SERINC1: variants seen among roughly 807,000 people sequenced by gnomAD.
The protein encoded by SERINC1 is tumor differentially expressed protein 2.
SERINC1 carries 38 observed loss-of-function variants against 52.9 expected under a neutral mutation model. The observed-to-expected ratio is 0.72, with a 90% CI of 0.55 to 0.94. SERINC1 has a LOEUF of 0.94. Among genes scored for constraint, SERINC1 ranks in the 40% least tolerant of loss-of-function variants. The pLI, the probability that SERINC1 is intolerant of heterozygous loss-of-function variation, is 0.00. For synonymous variants in SERINC1, 198 were observed against 183.1 expected (o/e 1.08, Z -0.66); for missense variants, 471 against 533.9 (o/e 0.88, Z 1.16).
intron 3 of SERINC1, among the ~76,000 whole-genome samples, chr6:122,456,009 A>C (rs1312899599): frequency 6.6e-6 from 1 of 152,192 alleles, no homozygotes; most frequent in Non-Finnish European, 1.5e-5. Context: ...GATAAGCAAC[A>C]GCAGATATTA....
At chr6:122,458,736 C>A in intron 1 of SERINC1, 55 bp from the exon 2 acceptor site, 1 of 1,193,932 alleles carries the variant, frequency 8.4e-7, no homozygotes, top group Admixed American at 2.3e-5. Flanking sequence ...ATCACTATAT[C>A]TTAAAATGAT....
chr6:122,469,495 G>A (rs1293955603), intron 1 of SERINC1, among the ~76,000 whole-genome samples: 2 of 151,058 alleles, frequency 1.3e-5, no homozygotes, highest in Admixed American at 1.3e-4. Context: ...TCCTGCCTCA[G>A]CCACCCGAGT....
intron 1 of SERINC1, among the ~76,000 whole-genome samples, chr6:122,469,119 G>GGTCTCTTAGCA (rs373311626): frequency 3.3e-5 from 5 of 152,062 alleles, no homozygotes; most frequent in African/African-American, 9.7e-5. Flanking sequence ...TCTAATTCTA[G>GGTCTCTTAGCA]GTCTCTTAGC....
chr6:122,447,548 G>C (rs1562212543), intron 7 of SERINC1, among the ~76,000 whole-genome samples: 1 of 152,122 alleles, frequency 6.6e-6, no homozygotes, highest in Non-Finnish European at 1.5e-5. Context: ...TCAGGAAAGA[G>C]GTGAAATATA....
chr6:122,446,833 AAAG>A lies in SERINC1; in HGVS notation c.1164_1166del (p.Phe389del). On this transcript the variant is annotated inframe_deletion, in exon 9 of 10. Transcript: ENST00000339697. ...GTGAAGCCAGGAAAAGCATGAAGTG[AAAG>A]AAGGAATAACTGTAAGTGACACCAT... 16 of 1,614,156 alleles carry A rather than the reference AAAG, an allele frequency of 9.9e-6. No homozygotes were observed. The highest frequency in any genetic ancestry group is 1.4e-5 in the Non-Finnish European group (16 of 1,179,974).
intron 7 of SERINC1, among the ~76,000 whole-genome samples, chr6:122,447,734 C>T (rs1376021369): frequency 6.6e-6 from 1 of 152,076 alleles, no homozygotes; most frequent in East Asian, 1.9e-4. Flanking sequence ...ACACAAAAAC[C>T]AGTTATAAGG....
Position 122,443,899 on chromosome 6 carries a change from T to C in SERINC1, c.*1145A>G, listed in dbSNP as rs1406192160. 1 of 152,220 alleles carries C rather than the reference T, an allele frequency of 6.6e-6. No individual in the cohort carries two copies. The highest frequency in any genetic ancestry group is 1.5e-5 in the Non-Finnish European group (1 of 68,032). 9.4% of individuals were successfully genotyped at this position (152,220 alleles called of 1,614,324 possible). ...GTCTGTATTTCAGTGTCTTCATTTT[T>C]TTAAATGAGAGAACTGGACTAGATT... On this transcript the variant is annotated 3_prime_UTR_variant, in exon 10 of 10. Transcript: ENST00000339697.
intron 2 of SERINC1, 73 bp downstream of exon 2, chr6:122,458,447 C>G: frequency 1.0e-6 from 1 of 999,834 alleles, no homozygotes; most frequent in Non-Finnish European, 1.5e-6. Flanking sequence ...TACAATATCC[C>G]CGAATCAATT....
At position 122,456,514 on chromosome 6, in the gene SERINC1, C is replaced by A. The variant is rs1477120941; in HGVS notation, c.338G>T (p.Ser113Ile). The A allele has an allele frequency of 5.6e-6, 9 of 1,609,272 alleles. No homozygotes were observed. The highest frequency in any genetic ancestry group is 7.6e-6 in the Non-Finnish European group (9 of 1,178,164). The change falls in exon 3 of 10, where the codon AGT becomes ATT. Residue 113 changes from serine to isoleucine, a missense_variant. Coordinates refer to ENST00000339697, the MANE Select transcript of SERINC1 (RefSeq NM_020755.4). ...LLSLLMIKVK[S>I]SSDPRAAVHN... ...CACTGCAGCTCTAGGATCACTGCTA[C>A]TCTTCACTTTGATCATTAGTAAAGA...
intron 1 of SERINC1, among the ~76,000 whole-genome samples, chr6:122,460,023 T>C (rs972989289): frequency 6.6e-6 from 1 of 152,144 alleles, no homozygotes; most frequent in African/African-American, 2.4e-5. Flanking sequence ...AAGCCAGCAA[T>C]TTCTAAGAGG....
At chr6:122,467,856 G>C (rs1775213729) in intron 1 of SERINC1, among the ~76,000 whole-genome samples, 1 of 152,138 alleles carries the variant, frequency 6.6e-6, no homozygotes, top group South Asian at 2.1e-4. Flanking sequence ...GGTGGGGGTA[G>C]GGATGAGGGC....
intron 7 of SERINC1, among the ~76,000 whole-genome samples, chr6:122,448,121 A>G (rs1188397572): frequency 6.6e-6 from 1 of 152,036 alleles, no homozygotes; most frequent in Admixed American, 6.6e-5. Flanking sequence ...AAAAAAAAAA[A>G]AAGTAGGATT....
In SERINC1 at chr6:122,451,956, C is replaced by A. The variant is rs138235986; in HGVS notation, c.691G>T (p.Ala231Ser). 812 of 1,598,896 alleles carry A rather than the reference C, an allele frequency of 5.1e-4. 2 individuals are homozygous for A. The highest frequency in any genetic ancestry group is 6.3e-4 in the Non-Finnish European group (743 of 1,173,306). The change falls in exon 6 of 10, where the codon GCG becomes TCG. Residue 231 changes from alanine to serine, a missense_variant. Physicochemically the swap from Ala to Ser is moderately conservative, Grantham distance 99. Transcript: ENST00000339697. The part of the protein sequence containing the change: ...THPASCSENK[A>S]FISVNMLLCV... ...AGGAGCATGTTGACACTGATGAACG[C>A]CTTGTTTTCTGAACAACTGGCTGGA... is the stretch of plus-strand genomic sequence containing the variant.
At chr6:122,463,456 T>C (rs796743440) in intron 1 of SERINC1, among the ~76,000 whole-genome samples, 8 of 152,256 alleles carry the variant, frequency 5.3e-5, no homozygotes, top group African/African-American at 1.9e-4. Flanking sequence ...GTGAGGTACA[T>C]GATAAATCAT....
intron 7 of SERINC1, among the ~76,000 whole-genome samples, chr6:122,451,152 T>G (rs1582631020): frequency 6.6e-6 from 1 of 152,096 alleles, no homozygotes; most frequent in African/African-American, 2.4e-5. Flanking sequence ...TTAAAGATAC[T>G]AAAACAGCCA....
At chr6:122,456,675 T>C in intron 2 of SERINC1, 25 bp from the exon 3 acceptor site, 1 of 1,513,468 alleles carries the variant, frequency 6.6e-7, no homozygotes, top group Non-Finnish European at 8.9e-7. Flanking sequence ...GAGTTTATGA[T>C]CCATCATTTT....
At chr6:122,468,514 C>T (rs1017193349) in intron 1 of SERINC1, among the ~76,000 whole-genome samples, 6 of 152,074 alleles carry the variant, frequency 3.9e-5, no homozygotes, top group African/African-American at 1.2e-4. Flanking sequence ...ACTCTCCTGA[C>T]AAATGTTAAC....
At chr6:122,467,746 C>T (rs1379156125) in intron 1 of SERINC1, among the ~76,000 whole-genome samples, 1 of 152,186 alleles carries the variant, frequency 6.6e-6, no homozygotes, top group Non-Finnish European at 1.5e-5. Context: ...TACAGCTTTA[C>T]ATATATAAAC....
Position 122,451,719 on chromosome 6 carries a change from T to A in SERINC1, c.795A>T (p.Ser265=). The change falls in exon 7 of 10, where the codon TCA becomes TCT. Residue 265 remains serine (S), a synonymous_variant. Coordinates refer to ENST00000339697, the MANE Select transcript of SERINC1 (RefSeq NM_020755.4). ...SQPRSGLLQS[S]VITVYTMYLT... ...AATACATTGTGTAGACTGTAATTAC[T>A]GAAGACTGTAACAAACCAGATCTTG... 4.4e-6 allele frequency: 5 copies of A among 1,137,112 alleles called. No homozygotes were observed. Among genetic ancestry groups the A allele is most frequent in the Non-Finnish European group, 4.6e-6 (4 of 873,906 alleles). The allele number at this position is 1,137,112 out of a possible 1,614,324, so 70.4% of individuals were successfully genotyped here.
Sources: gnomAD v4.1 joint callset for allele counts (sites outside exome capture counted in the v4.1 genomes callset) on GRCh38, gnomAD v4.1.1 for gene constraint, MANE v1.5 for transcripts, NCBI Gene and HGNC (gene_info 2026-07-23, HGNC 2026-07-21) for gene names.